PDE1C: variants seen among roughly 807,000 people sequenced by gnomAD.
The protein encoded by PDE1C is dual specificity calcium/calmodulin-dependent 3',5'-cyclic nucleotide phosphodiesterase 1C.
In PDE1C, 62 loss-of-function variants were observed where a neutral mutation model predicts 93.1. The ratio of observed to expected loss-of-function variants is 0.67; its 90% CI spans 0.54 to 0.82. The LOEUF (loss-of-function observed/expected upper bound fraction) is 0.82. PDE1C is among the 40% of genes least tolerant of loss of function. PDE1C has a pLI of 0.00. For missense variants in PDE1C, 742 were observed against 884.6 expected (o/e 0.84, Z 2.04); for synonymous variants, 325 against 310.1 (o/e 1.05, Z -0.50).
At chr7:31,970,752 T>G (rs1810836450) in intron 2 of PDE1C, among the ~76,000 whole-genome samples, 1 of 152,218 alleles carries the variant, frequency 6.6e-6, no homozygotes, top group Admixed American at 6.5e-5. Context: ...AAAGACTGTT[T>G]AAAGCATTCC....
intron 2 of PDE1C, among the ~76,000 whole-genome samples, chr7:32,000,831 G>C (rs571128262): frequency 6.6e-6 from 1 of 152,148 alleles, no homozygotes; most frequent in East Asian, 1.9e-4. Context: ...ATTTCATATG[G>C]AATATATTTA....
chr7:32,061,442 C>A (rs1173589109), intron 1 of PDE1C, among the ~76,000 whole-genome samples: 3 of 152,246 alleles, frequency 2.0e-5, no homozygotes, highest in East Asian at 1.9e-4. Context: ...CATGGAGGCA[C>A]CTCTGGAGCA....
At chr7:32,024,399 A>ATG (rs143690061) in intron 2 of PDE1C, among the ~76,000 whole-genome samples, 9,893 of 149,108 alleles carry the variant, frequency 0.066, 564 homozygotes, top group African/African-American at 0.15. Context: ...CAATATACAT[A>ATG]TGTGTGTGTG....
intron 16 of PDE1C, chr7:31,786,913 CTATCTATCTATCTATCTATCTA>C (rs968649759): frequency 3.5e-5 from 1 of 28,534 alleles, no homozygotes; most frequent in Non-Finnish European, 8.3e-5. Context: ...ATCTATCTAT[CTATCTATCTATCTATCTATCTA>C]TCTATCTATC....
At chr7:31,707,340 T>A in the PDE1C span, 2 of 1,440,808 alleles carry the variant, frequency 1.4e-6, no homozygotes, top group Admixed American at 3.9e-5. Context: ...TGTGGTGACC[T>A]AGAGAAAAAA....
chr7:31,857,042 A>G (rs1794110166), intron 7 of PDE1C, among the ~76,000 whole-genome samples: 1 of 152,084 alleles, frequency 6.6e-6, no homozygotes, highest in Non-Finnish European at 1.5e-5. Context: ...GTCATAATGG[A>G]TTAGAGCCCA....
chr7:31,811,379 C>T (rs1313205201), intron 15 of PDE1C, among the ~76,000 whole-genome samples: 2 of 152,050 alleles, frequency 1.3e-5, no homozygotes, highest in African/African-American at 2.4e-5. Context: ...GACTAATACA[C>T]ACTAGGTGGA....
chr7:31,894,956 G>A (rs1799093199), intron 2 of PDE1C, among the ~76,000 whole-genome samples: 1 of 152,140 alleles, frequency 6.6e-6, no homozygotes, highest in South Asian at 2.1e-4. Flanking sequence ...GATAGCTGGG[G>A]AATTTAGCCC....
intron 2 of PDE1C, among the ~76,000 whole-genome samples, chr7:32,175,891 G>A (rs1362047077): frequency 6.6e-6 from 1 of 152,138 alleles, no homozygotes; most frequent in Non-Finnish European, 1.5e-5. Context: ...TGTGTCCCAT[G>A]GAATGCAATT....
intron 1 of PDE1C, among the ~76,000 whole-genome samples, chr7:32,337,534 A>G (rs1333049150): frequency 6.6e-6 from 1 of 152,218 alleles, no homozygotes; most frequent in Non-Finnish European, 1.5e-5. Context: ...AAGTTGGCAG[A>G]TTTTGATGGG....
At chr7:32,387,651 C>T (rs1234112039) in intron 1 of PDE1C, among the ~76,000 whole-genome samples, 54 of 148,228 alleles carry the variant, frequency 3.6e-4, no homozygotes, top group East Asian at 2.0e-3. Flanking sequence ...ACCTCCCTCC[C>T]GGACGGGGCG....
the PDE1C span, among the ~76,000 whole-genome samples, chr7:31,697,881 G>A: frequency 2.9e-4 from 44 of 152,324 alleles, no homozygotes; most frequent in African/African-American, 1.1e-3. Context: ...CTAAGAAACA[G>A]AGAATTTAAT....
At chr7:31,785,267 G>A (rs947325116) in intron 16 of PDE1C, 1 of 152,142 alleles carries the variant, frequency 6.6e-6, no homozygotes, top group African/African-American at 2.4e-5. Flanking sequence ...GGTCTCCTCA[G>A]GGGAGACTGA....
the PDE1C span, among the ~76,000 whole-genome samples, chr7:31,737,624 A>G: frequency 2.0e-5 from 3 of 152,010 alleles, no homozygotes; most frequent in Non-Finnish European, 4.4e-5. Context: ...AAACATGGTG[A>G]AATCCTGTCT....
chr7:31,646,561 C>T, the PDE1C span, among the ~76,000 whole-genome samples: 1 of 152,122 alleles, frequency 6.6e-6, no homozygotes, highest in South Asian at 2.1e-4. Context: ...CCAGGGTGAC[C>T]AAGTGTGGAC....
At chr7:32,212,025 C>CAAA (rs35827566) in intron 1 of PDE1C, among the ~76,000 whole-genome samples, 27 of 81,194 alleles carry the variant, frequency 3.3e-4, no homozygotes, top group Middle Eastern at 7.5e-3. Context: ...GAACCTATCT[C>CAAA]AAAAAAAAAA....
intron 2 of PDE1C, among the ~76,000 whole-genome samples, chr7:31,996,079 A>C (rs1363979879): frequency 1.6e-5 from 2 of 125,270 alleles, no homozygotes; most frequent in South Asian, 2.6e-4. Flanking sequence ...ACACACACAC[A>C]CACACACACA....
chr7:31,899,382 C>A (rs920196257), intron 2 of PDE1C, among the ~76,000 whole-genome samples: 3 of 151,996 alleles, frequency 2.0e-5, no homozygotes, highest in Admixed American at 6.6e-5. Flanking sequence ...TCATGATCCA[C>A]CCTCCTTGGC....
chr7:32,309,623 C>T (rs1813116844), intron 1 of PDE1C, among the ~76,000 whole-genome samples: 1 of 152,172 alleles, frequency 6.6e-6, no homozygotes, highest in South Asian at 2.1e-4. Context: ...GAATTTCCAA[C>T]CCAGAATTTC....
Sources: gnomAD v4.1 joint callset for allele counts (sites outside exome capture counted in the v4.1 genomes callset) on GRCh38, gnomAD v4.1.1 for gene constraint, MANE v1.5 for transcripts, NCBI Gene and HGNC (gene_info 2026-07-23, HGNC 2026-07-21) for gene names.